SDC1: variants seen among roughly 807,000 people sequenced by gnomAD.
The protein encoded by SDC1 is syndecan-1.
Under a neutral mutation model 29.7 loss-of-function variants are expected in SDC1, and 14 were observed. That is an observed-to-expected ratio of 0.47 (90% CI 0.31 to 0.74). The LOEUF is 0.74. Ranked by LOEUF, SDC1 falls within the 30% of genes least tolerant of loss-of-function variation. SDC1 has a pLI of 0.05. For synonymous variants in SDC1, 204 were observed against 175.5 expected, an observed-to-expected ratio of 1.16 and a Z score of -1.29; for missense variants, 406 against 400.3, an observed-to-expected ratio of 1.01 and a Z score of -0.12.
At chr2:20,204,337 A>T in intron 2 of SDC1, 46 bp from the exon 3 acceptor site, 1 of 1,096,210 alleles carries the variant, frequency 9.1e-7, no homozygotes, top group Non-Finnish European at 1.3e-6. Context: ...GGGGGTGGGG[A>T]GGACCAGAAG....
intron 1 of SDC1, among the ~76,000 whole-genome samples, chr2:20,216,517 A>G (rs1677630497): frequency 6.6e-6 from 1 of 152,182 alleles, no homozygotes; most frequent in Non-Finnish European, 1.5e-5. Flanking sequence ...TGACCATCAT[A>G]TTCGCCTGGA....
chr2:20,213,503 T>C (rs758694035), intron 1 of SDC1, among the ~76,000 whole-genome samples: 15 of 151,824 alleles, frequency 9.9e-5, no homozygotes, highest in Admixed American at 3.3e-4. Flanking sequence ...CCAAGGGGAG[T>C]CATGGCTTAG....
At chr2:20,203,720 G>T (rs371323651) in intron 3 of SDC1, 93 bp downstream of exon 3, 1 of 943,732 alleles carries the variant, frequency 1.1e-6, no homozygotes, top group Non-Finnish European at 1.6e-6. Context: ...TGAGGAATAC[G>T]AGATGCCCGC....
Position 20,205,285 on chromosome 2 carries a change from G to A in SDC1, c.148+58C>T, listed in dbSNP as rs376278288. 5.3e-4 allele frequency: 681 copies of A among 1,288,042 alleles called. 2 individuals carry two copies. In the African/African-American group the frequency reaches 9.0e-3, roughly 17 times the overall value. The allele number at this position is 1,288,042 out of a possible 1,614,324, so 79.8% of individuals were successfully genotyped here. ...AAACACAGGAGACTGCCTGACCACT[G>A]CCCACAGGCATGACCTGTTGCCGTC... On this transcript the variant is annotated intron_variant, in intron 2 of 4. Coordinates refer to ENST00000254351, the MANE Select transcript of SDC1 (RefSeq NM_002997.5).
chr2:20,221,577 A>G (rs751866651), intron 1 of SDC1, among the ~76,000 whole-genome samples: 1 of 152,234 alleles, frequency 6.6e-6, no homozygotes, highest in Admixed American at 6.5e-5. Context: ...TCATGCCCAG[A>G]GTAAGAATAC....
intron 1 of SDC1, among the ~76,000 whole-genome samples, chr2:20,206,954 C>T (rs771545140): frequency 3.9e-5 from 6 of 152,212 alleles, no homozygotes; most frequent in African/African-American, 7.2e-5. Flanking sequence ...CATGAGAAGA[C>T]GGGGGCAGGA....
chr2:20,204,527 A>G (rs1677188246), intron 2 of SDC1, among the ~76,000 whole-genome samples: 2 of 152,150 alleles, frequency 1.3e-5, no homozygotes, highest in East Asian at 1.9e-4. Context: ...TGGAGCCACG[A>G]GACAGGTGCC....
chr2:20,204,272 G>A lies in SDC1; in HGVS notation c.168C>T (p.Thr56=), dbSNP rs998356471. 3.1e-6 allele frequency: 5 copies of A among 1,597,348 alleles called. No individual in the cohort carries two copies. Among genetic ancestry groups the A allele is most frequent in the Non-Finnish European group, 4.2e-6 (5 of 1,179,386 alleles). ...GSGAGALQDI[T]LSQQTPSTWK... ...AAGTGGAGGGGGTCTGCTGTGACAA[G>A]GTGATATCTTGCAAAGCACCTGCAG... Residue 56 remains threonine (T), a synonymous_variant, in exon 3 of 5, where the codon ACC becomes ACT. Transcript: ENST00000254351.
intron 1 of SDC1, among the ~76,000 whole-genome samples, chr2:20,211,575 G>A (rs556008143): frequency 5.9e-5 from 9 of 152,254 alleles, no homozygotes; most frequent in Non-Finnish European, 1.3e-4. Context: ...GCTGGGCTGA[G>A]GCTCCTTCGT....
rs145688161 is a variant in SDC1, at chr2:20,203,980, G to T, written c.460C>A (p.His154Asn). 1.4e-4 allele frequency: 234 copies of T among 1,613,990 alleles called. 1 individual carries two copies. In the African/African-American group the frequency reaches 2.8e-3, roughly 19 times the overall value. The part of the protein sequence containing the change: ...TAQEPATSHP[H>N]RDMQPGHHET... The stretch of plus-strand genomic sequence containing the variant: ...TGGTGGCCAGGCTGCATGTCCCTGT[G>T]GGGGTGGGAGGTGGCGGGCTCCTGG... Residue 154 changes from histidine (H) to asparagine (N), a missense_variant, in exon 3 of 5, where the codon CAC (histidine) becomes AAC (asparagine). His to Asn is a moderately conservative substitution (Grantham distance 68, BLOSUM62 1). Coordinates refer to ENST00000254351, the MANE Select transcript of SDC1 (RefSeq NM_002997.5).
chr2:20,204,501 G>T (rs551664243), intron 2 of SDC1, among the ~76,000 whole-genome samples: 80 of 152,208 alleles, frequency 5.3e-4, no homozygotes, highest in African/African-American at 1.9e-3. Context: ...TGTGTGTCCA[G>T]GTGCAGCCTG....
chr2:20,223,286 GA>G (rs758497692), intron 1 of SDC1: 469 of 1,180,284 alleles, frequency 4.0e-4, no homozygotes, highest in Middle Eastern at 6.7e-4. Flanking sequence ...ACTCTGTAAA[GA>G]AAAAAAAAAC....
At chr2:20,209,614 C>G (rs541456070) in intron 1 of SDC1, among the ~76,000 whole-genome samples, 1 of 152,350 alleles carries the variant, frequency 6.6e-6, no homozygotes, top group East Asian at 1.9e-4. Context: ...CCAGCCATTA[C>G]AAAGAGCACA....
At chr2:20,213,330 C>G (rs887588719) in intron 1 of SDC1, among the ~76,000 whole-genome samples, 2 of 152,222 alleles carry the variant, frequency 1.3e-5, no homozygotes, top group Admixed American at 1.3e-4. Context: ...TCCAGGCAGG[C>G]GATGAGCAAA....
At position 20,205,391 on chromosome 2, in the gene SDC1, G is replaced by A. The variant is rs1481763138; in HGVS notation, c.100C>T (p.Gln34Ter). ...IVATNLPPED[Q>*]DGSGDDSDNF... is the part of the protein sequence containing the mutation. The stretch of plus-strand genomic sequence containing the variant: ...TCAGAGTCATCCCCAGAGCCATCTT[G>A]ATCTTCAGGGGGCAAATTAGTAGCC... The change falls in exon 2 of 5, where the codon CAA (glutamine) becomes TAA (stop). Residue 34 changes from glutamine to a stop codon, truncating the protein, a stop_gained. Coordinates refer to ENST00000254351, the MANE Select transcript of SDC1 (RefSeq NM_002997.5). LOFTEE classifies it high-confidence loss of function. The A allele has an allele frequency of 6.2e-7, 1 of 1,614,102 alleles. No individual in the cohort carries two copies. Among genetic ancestry groups the A allele is most frequent in the Non-Finnish European group, 8.5e-7 (1 of 1,179,984 alleles).
At chr2:20,214,300 A>G (rs1677566787) in intron 1 of SDC1, among the ~76,000 whole-genome samples, 1 of 152,032 alleles carries the variant, frequency 6.6e-6, no homozygotes, top group South Asian at 2.1e-4. Flanking sequence ...ATAAAGAACA[A>G]TTCAGATTGA....
intron 1 of SDC1, among the ~76,000 whole-genome samples, chr2:20,217,678 T>A (rs906057895): frequency 6.6e-6 from 1 of 152,196 alleles, no homozygotes; most frequent in Non-Finnish European, 1.5e-5. Flanking sequence ...CCCAGAGGGC[T>A]TGCAGTGGAT....
Position 20,201,454 on chromosome 2 carries a change from C to T in SDC1, c.*1312G>A, listed in dbSNP as rs1256779387. The T allele has an allele frequency of 6.6e-6, 1 of 152,558 alleles. No homozygotes were observed. Among genetic ancestry groups the T allele is most frequent in the Non-Finnish European group, 1.5e-5 (1 of 68,060 alleles). 9.5% of individuals were successfully genotyped at this position (152,558 alleles called of 1,614,324 possible). On this transcript the variant is annotated 3_prime_UTR_variant, in exon 5 of 5. Coordinates refer to ENST00000254351, the MANE Select transcript of SDC1 (RefSeq NM_002997.5). ...CAGAAAAGTCCGGTCACGTCACACA[C>T]AGCACAGAGGCAAGAAGCGAAGGCA...
chr2:20,219,845 T>C (rs528925448), intron 1 of SDC1, among the ~76,000 whole-genome samples: 1 of 152,328 alleles, frequency 6.6e-6, no homozygotes, highest in East Asian at 1.9e-4. Context: ...CAGCAGGACC[T>C]GGTGTTGGAG....
Sources: gnomAD v4.1 joint callset for allele counts (sites outside exome capture counted in the v4.1 genomes callset) on GRCh38, gnomAD v4.1.1 for gene constraint, MANE v1.5 for transcripts, NCBI Gene and HGNC (gene_info 2026-07-23, HGNC 2026-07-21) for gene names.